The following GPATCH2L variants were observed in gnomAD, a reference collection of about 807,000 sequenced individuals.
GPATCH2L encodes G-patch domain containing 2 like, also known as G patch domain-containing protein 2-like.
A neutral mutation model predicts 57.4 loss-of-function variants in GPATCH2L; 31 were observed. The ratio of observed to expected loss-of-function variants is 0.54; its 90% confidence interval spans 0.41 to 0.73. The LOEUF is 0.73. Ranked by LOEUF, GPATCH2L falls within the 30% of genes least tolerant of loss-of-function variation. GPATCH2L has a pLI of 0.00. For synonymous variants in GPATCH2L, 199 were observed against 210.7 expected, an observed-to-expected ratio of 0.94 and a Z score of 0.48; for missense variants, 481 against 599.9, an observed-to-expected ratio of 0.80 and a Z score of 2.07.
intron 1 of GPATCH2L, among the ~76,000 whole-genome samples, chr14:76,226,521 T>C (rs2040537091): frequency 6.6e-6 from 1 of 152,240 alleles, no homozygotes. Context: ...GGATGTGTTC[T>C]TGCTATATCC....
intron 1 of GPATCH2L, among the ~76,000 whole-genome samples, chr14:76,227,345 G>T: frequency 6.6e-6 from 1 of 152,176 alleles, no homozygotes. Flanking sequence ...AAAGGCCTGA[G>T]CCCCTGACTG....
rs377634785 is a variant in GPATCH2L at position 76,182,551 on chromosome 14, A to G, written c.1193+1702A>G. 2.0e-3 allele frequency among the ~76,000 whole-genome samples: 283 copies of G among 140,222 alleles called. 2 individuals carry two copies. The highest frequency in any genetic ancestry group is 0.018 in the South Asian group (78 of 4,284). 92.0% of individuals were successfully genotyped at this position (140,222 alleles called of 152,430 possible). On this transcript the variant is annotated intron_variant, in intron 8 of 9. Transcript: ENST00000261530. ...TAGTGAGCTGTGATGATGCCACTGCACTCTAGCCTGGATGACAGAGTGAGA... is the reference window on the plus strand; with the variant it reads ...TAGTGAGCTGTGATGATGCCACTGCGCTCTAGCCTGGATGACAGAGTGAGA...
rs993616130 is a variant in GPATCH2L, at chr14:76,209,487, C to G, written c.*7636C>G. ...TAGTGAGATTCTAAGGTGGGTCACT[C>G]CTGTTTACTTATGAGTTGCTATTTA... is the stretch of plus-strand genomic sequence containing the variant. On this transcript the variant is annotated 3_prime_UTR_variant, in exon 10 of 10. Transcript: ENST00000261530. The G allele has an allele frequency of 2.0e-5, 3 of 152,188 alleles. No homozygotes were observed. The highest frequency in any genetic ancestry group is 7.2e-5 in the African/African-American group (3 of 41,420). 9.4% of individuals were successfully genotyped at this position (152,188 alleles called of 1,614,324 possible).
At chr14:76,188,723 G>A (rs1320214121) in intron 8 of GPATCH2L, among the ~76,000 whole-genome samples, 1 of 151,928 alleles carries the variant, frequency 6.6e-6, no homozygotes, top group African/African-American at 2.4e-5. Context: ...GATCCCATTT[G>A]TCCATTTTTG....
At chr14:76,152,902 G>A (rs1455619402) in intron 1 of GPATCH2L, 10 of 373,698 alleles carry the variant, frequency 2.7e-5, no homozygotes, top group Non-Finnish European at 4.2e-5. Flanking sequence ...CTTAGGGACA[G>A]TTGTCTCCCA....
chr14:76,165,290 G>A (rs2038778092), intron 2 of GPATCH2L, among the ~76,000 whole-genome samples: 1 of 151,982 alleles, frequency 6.6e-6, no homozygotes, highest in Admixed American at 6.6e-5. Context: ...TCAGGAGTTC[G>A]AGACCAGCCT....
chr14:76,200,579 A>G (rs934739823), intron 9 of GPATCH2L, among the ~76,000 whole-genome samples: 2 of 152,204 alleles, frequency 1.3e-5, no homozygotes, highest in African/African-American at 2.4e-5. Context: ...GTTGCCCTCA[A>G]GAAACTCTTG....
At chr14:76,226,371 A>G (rs1329311362) in intron 1 of GPATCH2L, among the ~76,000 whole-genome samples, 2 of 152,230 alleles carry the variant, frequency 1.3e-5, no homozygotes, top group Non-Finnish European at 2.9e-5. Flanking sequence ...GTATGATTCC[A>G]TTTATATAGG....
chr14:76,214,736 C>T (rs1054539627), downstream of GPATCH2L, among the ~76,000 whole-genome samples: 30 of 152,142 alleles, frequency 2.0e-4, no homozygotes, highest in African/African-American at 7.2e-4. Flanking sequence ...CACCTGTTTT[C>T]GGGGGACACA....
In GPATCH2L at chr14:76,152,949, T is replaced by C. The variant is rs555329227; in HGVS notation, c.-11+958T>C. On this transcript the variant is annotated intron_variant, in intron 1 of 9. Coordinates refer to ENST00000261530, the MANE Select transcript of GPATCH2L (RefSeq NM_017926.4). ...TGGCATTTTAATCCACTTTTTTTTTTCCCATTTTTTCCCCTTCTTTTCACA... is the reference window on the plus strand; with the variant it reads ...TGGCATTTTAATCCACTTTTTTTTTCCCCATTTTTTCCCCTTCTTTTCACA... 1.7e-3 allele frequency: 596 copies of C among 353,818 alleles called. 4 individuals carry two copies. The highest frequency in any genetic ancestry group is 2.6e-3 in the Admixed American group (67 of 25,592). 21.9% of individuals were successfully genotyped at this position (353,818 alleles called of 1,614,324 possible). A position where few individuals can be genotyped will look rare whatever the true frequency, so the allele number is the denominator to read the frequency against.
chr14:76,168,646 C>T (rs1250426326), intron 3 of GPATCH2L, among the ~76,000 whole-genome samples: 1 of 152,172 alleles, frequency 6.6e-6, no homozygotes, highest in Non-Finnish European at 1.5e-5. Flanking sequence ...ACCACAAGTA[C>T]ATATTTAAAG....
chr14:76,185,002 A>G (rs2039712130), intron 8 of GPATCH2L, among the ~76,000 whole-genome samples: 1 of 152,204 alleles, frequency 6.6e-6, no homozygotes, highest in Non-Finnish European at 1.5e-5. Context: ...GTACTTTGGT[A>G]TGGTATGCAC....
downstream of GPATCH2L, among the ~76,000 whole-genome samples, chr14:76,219,260 A>G (rs1431066009): frequency 6.6e-6 from 1 of 152,180 alleles, no homozygotes; most frequent in Non-Finnish European, 1.5e-5. Context: ...AAAGGAAAAC[A>G]CATTAGCAAT....
downstream of GPATCH2L, among the ~76,000 whole-genome samples, chr14:76,216,959 A>G (rs1472495585): frequency 6.6e-6 from 1 of 152,216 alleles, no homozygotes; most frequent in Non-Finnish European, 1.5e-5. Flanking sequence ...GTGTTGAGAT[A>G]ACTGGATATA....
intron 6 of GPATCH2L, 176 bp from the exon 7 acceptor site, chr14:76,177,812 C>T: frequency 1.2e-6 from 1 of 824,240 alleles, no homozygotes; most frequent in Non-Finnish European, 2.0e-6. Flanking sequence ...ATTCCAACAT[C>T]TTATCTTCTT....
intron 7 of GPATCH2L, among the ~76,000 whole-genome samples, chr14:76,180,411 ATCT>A (rs1394073113): frequency 6.6e-6 from 1 of 152,198 alleles, no homozygotes; most frequent in African/African-American, 2.4e-5. Flanking sequence ...TTTCATGCTA[ATCT>A]TCTTGGGAAC....
At chr14:76,225,543 A>G (rs2040533567) in intron 1 of GPATCH2L, among the ~76,000 whole-genome samples, 1 of 152,214 alleles carries the variant, frequency 6.6e-6, no homozygotes, top group Admixed American at 6.5e-5. Flanking sequence ...TACTTGAAGT[A>G]GGTAAAGATT....
chr14:76,152,646 GGTTCTTTT>G (rs1169079340), intron 1 of GPATCH2L: 2 of 456,062 alleles, frequency 4.4e-6, no homozygotes, highest in African/African-American at 4.0e-5. Context: ...GGAGTTCTAG[GGTTCTTTT>G]GTCACTACTG....
At chr14:76,178,125 C>A (rs997716101) in intron 7 of GPATCH2L, 83 bp downstream of exon 7, 18 of 1,263,144 alleles carry the variant, frequency 1.4e-5, no homozygotes, top group Non-Finnish European at 1.6e-5. Flanking sequence ...GTAAAAACTG[C>A]AGCTAATTCC....
Sources: allele counts gnomAD v4.1 joint callset (sites outside exome capture counted in the v4.1 genomes callset), GRCh38; gene constraint gnomAD v4.1.1; transcripts MANE v1.5; gene names NCBI Gene and HGNC (gene_info 2026-07-23, HGNC 2026-07-21).